WWC2: variants seen among roughly 807,000 people sequenced by gnomAD.
WWC2 encodes WW and C2 domain containing 2.
Under a neutral mutation model 138.5 loss-of-function variants are expected in WWC2, and 101 were observed. The ratio of observed to expected loss-of-function variants is 0.73; its 90% CI spans 0.62 to 0.86. The LOEUF (loss-of-function observed/expected upper bound fraction) is 0.86, where lower values mean the gene tolerates loss of function less well. Among genes scored for constraint, WWC2 ranks in the 40% least tolerant of loss-of-function variants. The pLI, the probability that WWC2 is intolerant of heterozygous loss-of-function variation, is 0.00. For missense variants in WWC2, 1,420 were observed against 1,419.4 expected (o/e 1.00, Z -0.01); for synonymous variants, 558 against 538.4 (o/e 1.04, Z -0.50).
chr4:183,209,948 T>C (rs1374625728), intron 4 of WWC2, among the ~76,000 whole-genome samples: 1 of 152,194 alleles, frequency 6.6e-6, no homozygotes, highest in Non-Finnish European at 1.5e-5. Context: ...TCATGAGCAC[T>C]GAGGGTTAAT....
chr4:183,211,742 C>T (rs1234718203), intron 4 of WWC2, among the ~76,000 whole-genome samples: 3 of 152,140 alleles, frequency 2.0e-5, no homozygotes, highest in South Asian at 2.1e-4. Context: ...CAGCCTTTCA[C>T]TTTCTCTGTT....
At chr4:183,165,055 A>G (rs984159893) in intron 1 of WWC2, among the ~76,000 whole-genome samples, 1 of 152,184 alleles carries the variant, frequency 6.6e-6, no homozygotes, top group Non-Finnish European at 1.5e-5. Flanking sequence ...TAACACAAAC[A>G]TTCCTGGGTC....
In WWC2 at chr4:183,256,894, C is replaced by T. The variant is rs997890266; in HGVS notation, c.1197-2745C>T. Among the ~76,000 whole-genome samples, 47 of 106,274 alleles carry T rather than the reference C, an allele frequency of 4.4e-4. 1 individual carries two copies. Among genetic ancestry groups the T allele is most frequent in the Middle Eastern group, 3.8e-3 (1 of 260 alleles). 69.7% of individuals were successfully genotyped at this position (106,274 alleles called of 152,430 possible). ...GAGTGTGATCCTACAGCCCCCCCCC[C>T]CCCCCCCCCGGCTCTGTTCCTGCCC... On this transcript the variant is annotated intron_variant, in intron 9 of 22. Coordinates refer to ENST00000403733, the MANE Select transcript of WWC2 (RefSeq NM_024949.6).
chr4:183,270,944 T>A, intron 15 of WWC2, 136 bp from the exon 16 acceptor site: 1 of 763,724 alleles, frequency 1.3e-6, no homozygotes, highest in Non-Finnish European at 1.9e-6. Flanking sequence ...CAATGCTTTA[T>A]GTCAGGAGAA....
At chr4:183,238,782 C>T (rs1002718885) in intron 4 of WWC2, among the ~76,000 whole-genome samples, 1 of 152,132 alleles carries the variant, frequency 6.6e-6, no homozygotes, top group Non-Finnish European at 1.5e-5. Context: ...GTATCCTGAA[C>T]TTAGAGCACC....
At chr4:183,245,003 ACGTG>A (rs1386820993) in intron 5 of WWC2, among the ~76,000 whole-genome samples, 1 of 152,018 alleles carries the variant, frequency 6.6e-6, no homozygotes. Context: ...AGGGGCTGAG[ACGTG>A]CGGATCACGA....
Position 183,099,283 on chromosome 4 carries a change from A to C in WWC2, c.-209A>C, listed in dbSNP as rs1234885382. 3.3e-6 allele frequency: 1 copy of C among 302,224 alleles called. No individual in the cohort carries two copies. Among genetic ancestry groups the C allele is most frequent in the East Asian group, 8.2e-5 (1 of 12,234 alleles). 18.7% of individuals were successfully genotyped at this position (302,224 alleles called of 1,614,324 possible). ...GGTTCGCTCGCCGGCTCCGACGCAGACATGGTGGACTGATCCGCAGCGGGG... is the reference window on the plus strand; with the variant it reads ...GGTTCGCTCGCCGGCTCCGACGCAGCCATGGTGGACTGATCCGCAGCGGGG... On this transcript the variant is annotated 5_prime_UTR_variant, in exon 1 of 23. Coordinates refer to ENST00000403733, the MANE Select transcript of WWC2 (RefSeq NM_024949.6).
At chr4:183,187,263 G>A (rs570650431) in intron 1 of WWC2, among the ~76,000 whole-genome samples, 64 of 152,010 alleles carry the variant, frequency 4.2e-4, no homozygotes, top group African/African-American at 1.3e-3. Context: ...TGTAAAAAAC[G>A]GGAATAGGGG....
Position 183,289,434 on chromosome 4 carries a change from C to T in WWC2, c.3183C>T (p.Cys1061=). ...QSVLRRTTQE[C]PVRTSLDLEL... ...TCCTTAGAAGAACAACACAGGAATG[C>T]CCAGTGCGGACATCTCTAGACTTAG... Residue 1061 remains cysteine (C), a synonymous_variant, in exon 21 of 23, where the codon TGC becomes TGT. Transcript: ENST00000403733. 6.2e-7 allele frequency: 1 copy of T among 1,612,058 alleles called. No individual in the cohort carries two copies. Among genetic ancestry groups the T allele is most frequent in the Non-Finnish European group, 8.5e-7 (1 of 1,179,032 alleles).
chr4:183,213,937 A>C (rs1382584976), intron 4 of WWC2, among the ~76,000 whole-genome samples: 4 of 152,142 alleles, frequency 2.6e-5, no homozygotes, highest in South Asian at 2.1e-4. Context: ...AAAAAAAAAA[A>C]ACACAATACC....
At chr4:183,185,644 A>G (rs1734768308) in intron 1 of WWC2, among the ~76,000 whole-genome samples, 4 of 152,132 alleles carry the variant, frequency 2.6e-5, no homozygotes, top group Admixed American at 2.0e-4. Context: ...TTCAGAGCCA[A>G]CATTGTGAAG....
chr4:183,289,474 G>T lies in WWC2; in HGVS notation c.3223G>T (p.Ala1075Ser). ...TSLDLELDLQ[A>S]SLTRQSRLND... ...TCTAGACTTAGAACTGGACCTTCAG[G>T]CATCTCTGACCCGGCAGAGCCGCCT... The change falls in exon 21 of 23, where the codon GCA becomes TCA. Residue 1075 changes from alanine to serine, a missense_variant. Ala to Ser is a moderately conservative substitution (Grantham distance 99, BLOSUM62 1). Transcript: ENST00000403733. 4 of 1,613,540 alleles carry T rather than the reference G, an allele frequency of 2.5e-6. No individual in the cohort carries two copies. Among genetic ancestry groups the T allele is most frequent in the Non-Finnish European group, 3.4e-6 (4 of 1,179,696 alleles).
In WWC2 at chr4:183,193,728, A is replaced by G. The variant is rs1244502605; in HGVS notation, c.241+20A>G. The G allele has an allele frequency of 6.3e-7, 1 of 1,577,524 alleles. No individual in the cohort carries two copies. Among genetic ancestry groups the G allele is most frequent in the South Asian group, 1.1e-5 (1 of 88,730 alleles). On this transcript the variant is annotated intron_variant, in intron 2 of 22. Coordinates refer to ENST00000403733, the MANE Select transcript of WWC2 (RefSeq NM_024949.6). ...TCAACAGTAAGTTTTCCTTTTTGGTAAAAGCAAACATATCAGAAAAGTAAT... is the reference window on the plus strand; with the variant it reads ...TCAACAGTAAGTTTTCCTTTTTGGTGAAAGCAAACATATCAGAAAAGTAAT...
Position 183,259,818 on chromosome 4 carries a change from A to G in WWC2, c.1286+90A>G, listed in dbSNP as rs188360326. ...ATTACTTTTCACTTTATTTCCAACT[A>G]CTTTAAATAAAATCATTATAGTAGC... On this transcript the variant is annotated intron_variant, in intron 10 of 22. Transcript: ENST00000403733. 6.0e-3 allele frequency: 5,539 copies of G among 927,586 alleles called. 60 individuals carry two copies. The highest frequency in any genetic ancestry group is 0.026 in the South Asian group (1,677 of 63,750). 57.5% of individuals were successfully genotyped at this position (927,586 alleles called of 1,614,324 possible).
At chr4:183,314,787 A>G (rs1739378601) in intron 22 of WWC2, among the ~76,000 whole-genome samples, 1 of 152,226 alleles carries the variant, frequency 6.6e-6, no homozygotes, top group Admixed American at 6.5e-5. Flanking sequence ...CCTCTTATGA[A>G]TTGAACAAAT....
chr4:183,257,829 G>A (rs577323641), intron 9 of WWC2, among the ~76,000 whole-genome samples: 125 of 152,282 alleles, frequency 8.2e-4, no homozygotes, highest in Non-Finnish European at 1.3e-3. Context: ...AGAACGGAGG[G>A]ACTGGCCAGG....
At chr4:183,153,424 A>C (rs957373414) in intron 1 of WWC2, among the ~76,000 whole-genome samples, 1 of 152,200 alleles carries the variant, frequency 6.6e-6, no homozygotes, top group African/African-American at 2.4e-5. Context: ...ACATTTGGTA[A>C]TCTGGCTGAA....
intron 19 of WWC2, among the ~76,000 whole-genome samples, 149 bp from the exon 20 acceptor site, chr4:183,285,813 TAGAAC>T (rs1462564521): frequency 1.3e-5 from 2 of 152,042 alleles, no homozygotes; most frequent in African/African-American, 4.8e-5. Flanking sequence ...TTTAACAAAA[TAGAAC>T]AGGAAAAACT....
At chr4:183,137,015 A>G (rs1003154360) in intron 1 of WWC2, among the ~76,000 whole-genome samples, 4 of 152,204 alleles carry the variant, frequency 2.6e-5, no homozygotes, top group African/African-American at 9.6e-5. Flanking sequence ...GTATCAACAT[A>G]TCTAAACATA....
Sources: gnomAD v4.1 joint callset for allele counts (sites outside exome capture counted in the v4.1 genomes callset) on GRCh38, gnomAD v4.1.1 for gene constraint, MANE v1.5 for transcripts, NCBI Gene and HGNC (gene_info 2026-07-23, HGNC 2026-07-21) for gene names.